The following ZPLD1 variants were observed in gnomAD, a reference collection of about 807,000 sequenced individuals.
ZPLD1 encodes zona pellucida-like domain-containing protein 1.
ZPLD1 carries 34 observed loss-of-function variants against 47.2 expected under a neutral mutation model. That is an observed-to-expected ratio of 0.72 (90% confidence interval 0.55 to 0.96). ZPLD1 has a LOEUF of 0.96. Ranked by LOEUF, ZPLD1 falls within the 40% of genes least tolerant of loss-of-function variation. ZPLD1 has a pLI of 0.00. For synonymous variants in ZPLD1, 176 were observed against 186.2 expected (o/e 0.95, Z 0.45); for missense variants, 512 against 505.8 (o/e 1.01, Z -0.12).
At position 102,415,543 on chromosome 3, in the gene ZPLD1, T is replaced by C. The variant is rs535536413; in HGVS notation, c.-156-2517T>C. Among the ~76,000 whole-genome samples, 7 of 151,962 alleles carry C rather than the reference T, an allele frequency of 4.6e-5. No homozygotes were observed. In the East Asian group the frequency reaches 1.2e-3, roughly 25 times the overall value. On this transcript the variant is annotated intron_variant, in intron 7 of 17. Coordinates refer to the ZPLD1 transcript ENST00000491959. ...TTCATGAAGCATAGGGGTTTAGAGA[T>C]AAAAATTTCTTATGTTTGTTTTATA...
intron 8 of ZPLD1, among the ~76,000 whole-genome samples, chr3:102,422,877 A>G (rs1706897295): frequency 1.3e-5 from 2 of 152,034 alleles, no homozygotes; most frequent in Non-Finnish European, 2.9e-5. Context: ...TGGTGTTGAC[A>G]TTAACAAAGG....
intron 8 of ZPLD1, among the ~76,000 whole-genome samples, chr3:102,422,447 C>T (rs1706891868): frequency 6.6e-6 from 1 of 151,998 alleles, no homozygotes; most frequent in East Asian, 1.9e-4. Flanking sequence ...CCCAAAACAT[C>T]AATAGTGCCA....
chr3:102,428,784 C>A lies in ZPLD1; in HGVS notation c.-8-9696C>A, dbSNP rs1248855844. 2.6e-5 allele frequency among the ~76,000 whole-genome samples: 4 copies of A among 150,964 alleles called. No individual in the cohort carries two copies. The East Asian group carries it at 7.8e-4, about 29-fold the overall frequency. ...ATATATGTATATAAAACCTTGGTAGCATTTCAGTTTTACATAAGAAGTTTC... is the reference window on the plus strand; with the variant it reads ...ATATATGTATATAAAACCTTGGTAGAATTTCAGTTTTACATAAGAAGTTTC... On this transcript the variant is annotated intron_variant, in intron 8 of 17. Transcript: ENST00000491959.
At position 102,404,595 on chromosome 3, in the gene ZPLD1, C is replaced by T. The variant is rs528027908; in HGVS notation, c.-157+12370C>T. ...TGCTCCAGGTGTTTCTATTAGGATT[C>T]GATGTAACATATGATGGTGAATTTT... On this transcript the variant is annotated intron_variant, in intron 7 of 17. Coordinates refer to the ZPLD1 transcript ENST00000491959. 2.0e-4 allele frequency among the ~76,000 whole-genome samples: 31 copies of T among 151,992 alleles called. 1 individual carries two copies. In the South Asian group the frequency reaches 6.0e-3, roughly 29 times the overall value.
intron 6 of ZPLD1, among the ~76,000 whole-genome samples, chr3:102,461,602 A>T (rs1212585515): frequency 6.6e-6 from 1 of 152,034 alleles, no homozygotes; most frequent in Non-Finnish European, 1.5e-5. Flanking sequence ...TTGCCCTATA[A>T]AAAATGTAAT....
intron 3 of ZPLD1, among the ~76,000 whole-genome samples, chr3:102,449,419 C>T (rs1707304007): frequency 6.6e-6 from 1 of 152,172 alleles, no homozygotes; most frequent in South Asian, 2.1e-4. Context: ...TTTCAGTTAA[C>T]TGCAATCAAC....
At chr3:102,432,154 T>A (rs12233481), upstream of ZPLD1, among the ~76,000 whole-genome samples, 48,835 of 152,082 alleles carry the variant, frequency 0.32, 8,170 homozygotes, top group Middle Eastern at 0.43. Flanking sequence ...TTTCCTGAGA[T>A]CTTTTAATGT....
In ZPLD1 at chr3:102,469,114, T is replaced by C. The variant is rs759033041; in HGVS notation, c.912T>C (p.Asp304=). 2.5e-6 allele frequency: 4 copies of C among 1,612,964 alleles called. No homozygotes were observed. Among genetic ancestry groups the C allele is most frequent in the East Asian group, 2.2e-5 (1 of 44,860 alleles). Residue 304 remains aspartate (D), a synonymous_variant, in exon 9 of 12, where the codon GAT becomes GAC. Coordinates refer to ENST00000466937, the MANE Select transcript of ZPLD1 (RefSeq NM_001329788.2). ...GCGTTACCAAGCTCTGCAGAGCAGATGACTGCCCCTTCCTTATGCCGGTAT... is the reference window on the plus strand; with the variant it reads ...GCGTTACCAAGCTCTGCAGAGCAGACGACTGCCCCTTCCTTATGCCGGTAT... ...LHCVTKLCRA[D]DCPFLMPICS...
chr3:102,404,132 G>C (rs778050594), intron 7 of ZPLD1, among the ~76,000 whole-genome samples: 21 of 152,054 alleles, frequency 1.4e-4, no homozygotes, highest in Non-Finnish European at 2.5e-4. Flanking sequence ...TTCAATAAGA[G>C]TGCTCCTTAT....
chr3:102,438,734 C>T (rs1168930806), intron 3 of ZPLD1, 141 bp downstream of exon 3: 8 of 553,044 alleles, frequency 1.4e-5, no homozygotes, highest in Non-Finnish European at 1.6e-5. Flanking sequence ...AATGACAAGA[C>T]ATTTTTCTGG....
chr3:102,395,176 A>G (rs923461987), intron 7 of ZPLD1, among the ~76,000 whole-genome samples: 6 of 152,110 alleles, frequency 3.9e-5, no homozygotes, highest in Non-Finnish European at 7.4e-5. Context: ...CTCCAGTGGT[A>G]GGCAAATAAC....
chr3:102,400,681 T>G (rs1023410307), intron 7 of ZPLD1, among the ~76,000 whole-genome samples: 1 of 152,114 alleles, frequency 6.6e-6, no homozygotes, highest in Non-Finnish European at 1.5e-5. Flanking sequence ...ATTTAATTTA[T>G]GTGTCTTGTT....
intron 8 of ZPLD1, among the ~76,000 whole-genome samples, chr3:102,426,514 A>G (rs62274733): frequency 0.29 from 43,591 of 149,362 alleles, 6,885 homozygotes; most frequent in Middle Eastern, 0.42. Flanking sequence ...GTGAAACTCC[A>G]TCTCAAAAAA....
intron 6 of ZPLD1, among the ~76,000 whole-genome samples, chr3:102,389,901 A>C: frequency 6.6e-6 from 1 of 152,222 alleles, no homozygotes; most frequent in East Asian, 1.9e-4. Context: ...TGAAAGAAGA[A>C]TTACTAAGAA....
chr3:102,389,688 A>G (rs955096778), intron 6 of ZPLD1, among the ~76,000 whole-genome samples: 7 of 152,140 alleles, frequency 4.6e-5, no homozygotes, highest in Admixed American at 4.6e-4. Context: ...AACGTGGTTC[A>G]TTTATATAGC....
At chr3:102,398,421 A>C (rs1408040790) in intron 7 of ZPLD1, among the ~76,000 whole-genome samples, 2 of 152,102 alleles carry the variant, frequency 1.3e-5, no homozygotes, top group Non-Finnish European at 2.9e-5. Flanking sequence ...AAGGTGAGTC[A>C]TTCTCTTCTT....
intron 3 of ZPLD1, among the ~76,000 whole-genome samples, chr3:102,438,936 A>G (rs1327746249): frequency 6.6e-6 from 1 of 151,568 alleles, no homozygotes; most frequent in East Asian, 1.9e-4. Flanking sequence ...AAATGCTAAT[A>G]TTTATTTAGG....
chr3:102,448,490 A>C (rs778930286), intron 3 of ZPLD1, among the ~76,000 whole-genome samples: 2 of 152,294 alleles, frequency 1.3e-5, no homozygotes, highest in Non-Finnish European at 2.9e-5. Flanking sequence ...CAAATGGTAA[A>C]GTTGTGCTGA....
At chr3:102,445,778 T>C (rs910484638) in intron 3 of ZPLD1, among the ~76,000 whole-genome samples, 1 of 152,242 alleles carries the variant, frequency 6.6e-6, no homozygotes, top group Non-Finnish European at 1.5e-5. Flanking sequence ...TGCTTGCTGT[T>C]AATAGTAATA....
Sources: allele counts gnomAD v4.1 joint callset (sites outside exome capture counted in the v4.1 genomes callset), GRCh38; gene constraint gnomAD v4.1.1; transcripts MANE v1.5; gene names NCBI Gene and HGNC (gene_info 2026-07-23, HGNC 2026-07-21).